SPTBN1: variants seen among roughly 807,000 people sequenced by gnomAD.
SPTBN1 encodes spectrin beta chain, non-erythrocytic 1.
Under a neutral mutation model 266.4 loss-of-function variants are expected in SPTBN1, and 32 were observed. That is an observed-to-expected ratio of 0.12 (90% CI 0.09 to 0.16). The LOEUF is 0.16. Among genes scored for constraint, SPTBN1 ranks in the 10% least tolerant of loss-of-function variants. The pLI, the probability that SPTBN1 is intolerant of heterozygous loss-of-function variation, is 1.00. For synonymous variants in SPTBN1, 1,336 were observed against 1,162.2 expected, an observed-to-expected ratio of 1.15 and a Z score of -3.04; for missense variants, 2,296 against 3,067.1, an observed-to-expected ratio of 0.75 and a Z score of 5.94.
At chr2:54,586,295 A>G (rs371790352) in intron 2 of SPTBN1, among the ~76,000 whole-genome samples, 47 of 152,162 alleles carry the variant, frequency 3.1e-4, no homozygotes, top group African/African-American at 9.9e-4. Flanking sequence ...CTTTTCTACA[A>G]TGGGTTATGG....
Position 54,657,883 on chromosome 2 carries a change from G to A in SPTBN1, c.6080G>A (p.Ser2027Asn). Residue 2027 changes from serine to asparagine, a missense_variant, in exon 30 of 36, where the codon AGT becomes AAT. Transcript: ENST00000356805. ...LEVHQFSRDA[S>N]VAEAWLLGQE... ...GTCCATCAGTTCTCAAGAGACGCCA[G>A]TGTGGCCGAGGCCTGGCTGCTTGGA... 1 of 1,614,270 alleles carries A rather than the reference G, an allele frequency of 6.2e-7. No homozygotes were observed. The highest frequency in any genetic ancestry group is 1.6e-4 in the Middle Eastern group (1 of 6,062).
In SPTBN1 at chr2:54,649,139, G is replaced by A. The variant is rs878916389; in HGVS notation, c.5151G>A (p.Arg1717=). Residue 1717 remains arginine, a synonymous_variant, in exon 25 of 36, where the codon AGG becomes AGA. Coordinates refer to ENST00000356805, the MANE Select transcript of SPTBN1 (RefSeq NM_003128.3). The surrounding 1 kb of genome is among the most constrained non-coding windows in gnomAD (Gnocchi z 6.7). ...ACCTGGAGCAGTGGATCGCTGAGAG[G>A]GAGGTGGTCGCAGGGTCCCATGAAC... ...VDDLEQWIAE[R]EVVAGSHELG... is the part of the protein sequence containing the mutation. 2 of 1,612,490 alleles carry A rather than the reference G, an allele frequency of 1.2e-6. No homozygotes were observed. The highest frequency in any genetic ancestry group is 2.7e-5 in the African/African-American group (2 of 75,018).
At chr2:54,655,511 T>C (rs1195054465) in intron 28 of SPTBN1, among the ~76,000 whole-genome samples, 22 of 152,214 alleles carry the variant, frequency 1.4e-4, no homozygotes. Context: ...ATCAGTTTGC[T>C]GTTGAGTGCA....
chr2:54,657,920 C>T lies in SPTBN1; in HGVS notation c.6117C>T (p.Tyr2039=), dbSNP rs751710263. ...AEAWLLGQEP[Y]LSSREIGQSV... is the part of the protein sequence containing the mutation. ...CCTGGCTGCTTGGACAGGAGCCGTA[C>T]CTATCCAGCCGAGAGATAGGCCAGA... The change falls in exon 30 of 36, where the codon TAC becomes TAT. Residue 2039 remains tyrosine, a synonymous_variant. Transcript: ENST00000356805. 6.2e-7 allele frequency: 1 copy of T among 1,614,260 alleles called. No individual in the cohort carries two copies.
At chr2:54,496,783 G>GC (rs1668992613) in intron 1 of SPTBN1, among the ~76,000 whole-genome samples, 1 of 152,158 alleles carries the variant, frequency 6.6e-6, no homozygotes, top group African/African-American at 2.4e-5. Context: ...AAGGAAACAG[G>GC]CCCTCTGTAC....
chr2:54,473,739 A>G (rs1443474651), intron 1 of SPTBN1, among the ~76,000 whole-genome samples: 1 of 152,232 alleles, frequency 6.6e-6, no homozygotes, highest in Non-Finnish European at 1.5e-5. Flanking sequence ...TCATTATACG[A>G]TAAGCAGGCA....
chr2:54,464,915 C>T (rs960993367), intron 1 of SPTBN1, among the ~76,000 whole-genome samples: 4 of 152,148 alleles, frequency 2.6e-5, no homozygotes, highest in East Asian at 1.9e-4. Flanking sequence ...TGGTCTTCAA[C>T]TCCTGAACTC....
intron 18 of SPTBN1, among the ~76,000 whole-genome samples, chr2:54,642,561 AAGAG>A (rs1473983108): frequency 1.3e-5 from 2 of 150,850 alleles, no homozygotes; most frequent in African/African-American, 4.9e-5. Flanking sequence ...AAAAAGAACT[AAGAG>A]AGTAAGAAGG....
chr2:54,509,465 C>A (rs927522652), intron 1 of SPTBN1, among the ~76,000 whole-genome samples: 1 of 152,298 alleles, frequency 6.6e-6, no homozygotes, highest in Middle Eastern at 3.4e-3. Flanking sequence ...ATTTTGAGGG[C>A]CTCTAAAAGT....
rs746936563 is a variant in SPTBN1 at position 54,644,436 on chromosome 2, C to G, written c.4119C>G (p.Ala1373=). The G allele has an allele frequency of 6.2e-7, 1 of 1,614,198 alleles. No homozygotes were observed. Among genetic ancestry groups the G allele is most frequent in the Non-Finnish European group, 8.5e-7 (1 of 1,180,042 alleles). The change falls in exon 20 of 36, where the codon GCC becomes GCG. Residue 1373 remains alanine (A), a synonymous_variant. Transcript: ENST00000356805. Reference sequence around the variant, plus strand: ...TTGAATCCACTACCCAGACAAAGGCCCAGCGGCTCTTTGATGCAAACAAGG... The same window carrying G: ...TTGAATCCACTACCCAGACAAAGGCGCAGCGGCTCTTTGATGCAAACAAGG... ...EVLESTTQTK[A]QRLFDANKAE...
intron 2 of SPTBN1, among the ~76,000 whole-genome samples, chr2:54,572,365 G>A (rs1573442839): frequency 6.6e-6 from 1 of 152,264 alleles, no homozygotes; most frequent in East Asian, 1.9e-4. Flanking sequence ...TCTAGGTGTG[G>A]CAGCTTATTC....
At chr2:54,658,456 C>T (rs1032647533) in intron 30 of SPTBN1, among the ~76,000 whole-genome samples, 2 of 152,114 alleles carry the variant, frequency 1.3e-5, no homozygotes, top group Admixed American at 6.5e-5. Flanking sequence ...TGTTAAGTCC[C>T]CAGTCCTGAT....
At chr2:54,537,227 A>G (rs967442515) in intron 2 of SPTBN1, among the ~76,000 whole-genome samples, 1 of 152,162 alleles carries the variant, frequency 6.6e-6, no homozygotes, top group East Asian at 1.9e-4. Context: ...TGGCTTTGGT[A>G]TACTGTCATT....
At chr2:54,648,901 A>G (rs1177944022) in intron 24 of SPTBN1, 85 bp from the exon 25 acceptor site, 17 of 1,266,106 alleles carry the variant, frequency 1.3e-5, no homozygotes, top group Non-Finnish European at 1.8e-5. Flanking sequence ...ATGCTCTCCC[A>G]TTATCTCCAC....
At chr2:54,488,331 C>T (rs563069498) in intron 1 of SPTBN1, among the ~76,000 whole-genome samples, 5 of 152,134 alleles carry the variant, frequency 3.3e-5, no homozygotes, top group Non-Finnish European at 7.3e-5. Flanking sequence ...TAAGACGAGA[C>T]CAAGGACCTT....
chr2:54,564,125 C>G (rs975383029), intron 2 of SPTBN1, among the ~76,000 whole-genome samples: 1 of 152,122 alleles, frequency 6.6e-6, no homozygotes, highest in Admixed American at 6.5e-5. Context: ...ATGGGCTGCT[C>G]TCGGTTTTTG....
chr2:54,659,121 G>A, intron 30 of SPTBN1, 33 bp from the exon 31 acceptor site: 1 of 1,606,266 alleles, frequency 6.2e-7, no homozygotes, highest in Non-Finnish European at 8.5e-7. Flanking sequence ...CAGAGTTTGG[G>A]ACTCTACCAA....
Position 54,659,211 on chromosome 2 carries a change from C to T in SPTBN1, c.6301C>T (p.Pro2101Ser), listed in dbSNP as rs1353929037. ...QEEEERKRRP[P>S]SPEPSTKVSE... Reference sequence around the variant, plus strand: ...GGAAGAGGAGAGGAAGAGGCGGCCGCCTTCTCCCGAGCCGAGCACGAAGGT... The same window carrying T: ...GGAAGAGGAGAGGAAGAGGCGGCCGTCTTCTCCCGAGCCGAGCACGAAGGT... Residue 2101 changes from proline to serine, a missense_variant, in exon 31 of 36, where the codon CCT becomes TCT. Transcript: ENST00000356805. 2 of 1,614,032 alleles carry T rather than the reference C, an allele frequency of 1.2e-6. No homozygotes were observed. Among genetic ancestry groups the T allele is most frequent in the Non-Finnish European group, 1.7e-6 (2 of 1,179,976 alleles).
chr2:54,571,566 C>CACAT lies in SPTBN1; in HGVS notation c.149-27523_149-27522insTACA, dbSNP rs1444331191. Among the ~76,000 whole-genome samples the CACAT allele has an allele frequency of 2.4e-4, 11 of 45,628 alleles. 1 individual carries two copies. The highest frequency in any genetic ancestry group is 6.4e-4 in the African/African-American group (9 of 14,172). 29.9% of individuals were successfully genotyped at this position (45,628 alleles called of 152,430 possible). On this transcript the variant is annotated intron_variant, in intron 2 of 35. Coordinates refer to ENST00000356805, the MANE Select transcript of SPTBN1 (RefSeq NM_003128.3). ...GTATGTACACACACACACACACACACACACACACATACACACACACACACA... is the reference window on the plus strand; with the variant it reads ...GTATGTACACACACACACACACACACACATACACACACATACACACACACACACA...
Sources: gnomAD v4.1 joint callset for allele counts (sites outside exome capture counted in the v4.1 genomes callset) on GRCh38, gnomAD v4.1.1 for gene constraint, Gnocchi (gnomAD v3.1) non-coding constraint, MANE v1.5 for transcripts, NCBI Gene and HGNC (gene_info 2026-07-23, HGNC 2026-07-21) for gene names.